Variants in FAM13A observed in about 807,000 individuals in gnomAD.
FAM13A encodes family with sequence similarity 13 member A, also known as protein FAM13A.
Under a neutral mutation model 129.6 loss-of-function variants are expected in FAM13A, and 76 were observed. The observed-to-expected ratio is 0.59, with a 90% CI of 0.49 to 0.71. FAM13A has a LOEUF of 0.71. FAM13A is among the 30% of genes least tolerant of loss of function. FAM13A has a pLI of 0.00. For missense variants in FAM13A, 1,108 were observed against 1,249.3 expected (o/e 0.89, Z 1.70); for synonymous variants, 443 against 449.9 (o/e 0.98, Z 0.20).
intron 3 of FAM13A, among the ~76,000 whole-genome samples, chr4:89,011,573 TATAA>T (rs1579761724): frequency 6.6e-6 from 1 of 152,224 alleles, no homozygotes; most frequent in East Asian, 1.9e-4. Flanking sequence ...ATTATTTATA[TATAA>T]ATATTAATTT....
chr4:89,029,521 C>T lies in FAM13A; in HGVS notation c.156G>A (p.Gly52=), dbSNP rs940072099. Reference sequence around the variant, plus strand: ...CTGCTGGAATGCCATTCTCGGTGAGCCCCTGCCGTTCAAGTTCTTGGAGAC... The same window carrying T: ...CTGCTGGAATGCCATTCTCGGTGAGTCCCTGCCGTTCAAGTTCTTGGAGAC... ...GVSLQELERQ[G]LTENGIPAVV... is the part of the protein sequence containing the mutation. Residue 52 remains glycine (G), a synonymous_variant, in exon 2 of 24, where the codon GGG becomes GGA. Coordinates refer to ENST00000264344, the MANE Select transcript of FAM13A (RefSeq NM_014883.4). 1 of 1,594,408 alleles carries T rather than the reference C, an allele frequency of 6.3e-7. No individual in the cohort carries two copies. The highest frequency in any genetic ancestry group is 1.9e-5 in the Admixed American group (1 of 53,320).
chr4:88,777,003 G>C (rs1204650976), intron 11 of FAM13A, among the ~76,000 whole-genome samples: 1 of 151,292 alleles, frequency 6.6e-6, no homozygotes, highest in Non-Finnish European at 1.5e-5. Flanking sequence ...CAAACAAAAA[G>C]GATTATGCAC....
chr4:89,018,773 T>C (rs1245152972), intron 3 of FAM13A, among the ~76,000 whole-genome samples: 1 of 152,218 alleles, frequency 6.6e-6, no homozygotes, highest in Non-Finnish European at 1.5e-5. Context: ...GGTCATCAGA[T>C]TATCACTTGG....
chr4:89,005,589 G>T (rs1312924405), intron 3 of FAM13A, among the ~76,000 whole-genome samples: 1 of 152,054 alleles, frequency 6.6e-6, no homozygotes, highest in African/African-American at 2.4e-5. Context: ...GTTAATTTTT[G>T]ACTTCTTAGT....
At chr4:88,836,156 T>TAA (rs1200159116) in intron 7 of FAM13A, among the ~76,000 whole-genome samples, 2 of 152,188 alleles carry the variant, frequency 1.3e-5, no homozygotes, top group Non-Finnish European at 2.9e-5. Flanking sequence ...AATTCATACA[T>TAA]AAAAGATAGG....
At chr4:88,893,440 C>T (rs540800600) in intron 6 of FAM13A, among the ~76,000 whole-genome samples, 8 of 152,226 alleles carry the variant, frequency 5.3e-5, no homozygotes, top group South Asian at 2.1e-4. Flanking sequence ...TTGGCTAACA[C>T]GGTGAAACCC....
intron 6 of FAM13A, among the ~76,000 whole-genome samples, chr4:88,879,767 C>CTGCT (rs1743216195): frequency 6.6e-6 from 1 of 152,168 alleles, no homozygotes; most frequent in African/African-American, 2.4e-5. Flanking sequence ...TTGCGAGGGG[C>CTGCT]TGCTCTGTCA....
chr4:88,906,776 C>T (rs572342290), intron 5 of FAM13A, among the ~76,000 whole-genome samples: 1 of 152,308 alleles, frequency 6.6e-6, no homozygotes, highest in Admixed American at 6.5e-5. Context: ...ACAGCTTGCT[C>T]TTCTTTTGAG....
chr4:88,820,961 A>C (rs922445806), intron 7 of FAM13A, among the ~76,000 whole-genome samples: 1 of 152,182 alleles, frequency 6.6e-6, no homozygotes, highest in Admixed American at 6.5e-5. Flanking sequence ...CTTAAACAGA[A>C]TGGAACAAAG....
At chr4:88,782,103 T>A (rs767332285) in intron 10 of FAM13A, among the ~76,000 whole-genome samples, 3 of 152,118 alleles carry the variant, frequency 2.0e-5, no homozygotes, top group African/African-American at 7.2e-5. Flanking sequence ...ATAAAAACTA[T>A]GGAATACAAA....
At chr4:88,926,199 A>C (rs192923184) in intron 5 of FAM13A, among the ~76,000 whole-genome samples, 60 of 152,190 alleles carry the variant, frequency 3.9e-4, no homozygotes, top group African/African-American at 1.2e-3. Context: ...TTACACCCCC[A>C]CAGTTTTCAG....
At chr4:88,951,106 G>C (rs1027235173) in intron 4 of FAM13A, among the ~76,000 whole-genome samples, 2 of 152,186 alleles carry the variant, frequency 1.3e-5, no homozygotes, top group African/African-American at 4.8e-5. Context: ...CTGGGCTGCT[G>C]CTGTTTATTA....
intron 5 of FAM13A, among the ~76,000 whole-genome samples, chr4:88,915,036 T>C (rs139291255): frequency 8.2e-4 from 125 of 152,284 alleles, no homozygotes; most frequent in African/African-American, 2.9e-3. Flanking sequence ...TTTGGTGATC[T>C]GGAGAGCAGA....
At chr4:88,847,314 T>G (rs1254294516) in intron 7 of FAM13A, among the ~76,000 whole-genome samples, 1 of 151,908 alleles carries the variant, frequency 6.6e-6, no homozygotes, top group African/African-American at 2.4e-5. Context: ...TCGCTTGAGC[T>G]CAGGAAGTCA....
At chr4:88,737,829 G>A (rs916151806) in intron 20 of FAM13A, among the ~76,000 whole-genome samples, 32 of 152,126 alleles carry the variant, frequency 2.1e-4, no homozygotes, top group African/African-American at 7.7e-4. Context: ...GAAACCCGAG[G>A]AGAAACACCT....
At chr4:88,874,446 T>A (rs1179844730) in intron 6 of FAM13A, among the ~76,000 whole-genome samples, 13 of 152,166 alleles carry the variant, frequency 8.5e-5, no homozygotes, top group Non-Finnish European at 1.5e-4. Context: ...GCAAAGTCTC[T>A]GGATACAAAA....
chr4:88,786,436 G>GT (rs1723978888), intron 10 of FAM13A, among the ~76,000 whole-genome samples: 1 of 152,208 alleles, frequency 6.6e-6, no homozygotes, highest in African/African-American at 2.4e-5. Flanking sequence ...ATTAGAGGTA[G>GT]TACACAAACT....
intron 10 of FAM13A, among the ~76,000 whole-genome samples, chr4:88,781,573 C>G (rs1578626891): frequency 6.6e-6 from 1 of 151,962 alleles, no homozygotes; most frequent in African/African-American, 2.4e-5. Flanking sequence ...TTGGCAAGGG[C>G]TGTTTCTACC....
chr4:88,764,206 A>T (rs1745333502), intron 13 of FAM13A, among the ~76,000 whole-genome samples: 1 of 150,200 alleles, frequency 6.7e-6, no homozygotes, highest in Non-Finnish European at 1.5e-5. Flanking sequence ...TTTTTTTTTA[A>T]AATTATGAAT....
Sources: gnomAD v4.1 joint callset for allele counts (sites outside exome capture counted in the v4.1 genomes callset) on GRCh38, gnomAD v4.1.1 for gene constraint, MANE v1.5 for transcripts, NCBI Gene and HGNC (gene_info 2026-07-23, HGNC 2026-07-21) for gene names.